MKLN1: variants seen among roughly 807,000 people sequenced by gnomAD.
MKLN1 encodes muskelin.
A neutral mutation model predicts 99.0 loss-of-function variants in MKLN1; 18 were observed. The ratio of observed to expected loss-of-function variants is 0.18; its 90% CI spans 0.13 to 0.27. The LOEUF is 0.27. MKLN1 is among the 10% of genes least tolerant of loss of function. MKLN1 has a pLI of 1.00. For missense variants in MKLN1, 621 were observed against 875.9 expected (o/e 0.71, Z 3.67); for synonymous variants, 288 against 293.2 (o/e 0.98, Z 0.18).
At chr7:131,386,014 CT>C (rs71174945) in intron 2 of MKLN1, among the ~76,000 whole-genome samples, 1,388 of 132,882 alleles carry the variant, frequency 0.01, 11 homozygotes, top group African/African-American at 0.025. Flanking sequence ...GGTCTTCAGT[CT>C]TTTTTTTTTT....
At chr7:131,173,288 G>A (rs1468473563) in intron 2 of MKLN1, among the ~76,000 whole-genome samples, 1 of 152,158 alleles carries the variant, frequency 6.6e-6, no homozygotes, top group Non-Finnish European at 1.5e-5. Context: ...ACTACAGATA[G>A]TTGAACCTTG....
intron 1 of MKLN1, among the ~76,000 whole-genome samples, chr7:131,370,464 CTT>C (rs74274320): frequency 2.8e-5 from 3 of 106,756 alleles, no homozygotes; most frequent in Admixed American, 9.0e-5. Flanking sequence ...TGTCACTATT[CTT>C]TTTTTTTTTT....
intron 2 of MKLN1, among the ~76,000 whole-genome samples, chr7:131,157,374 G>A (rs971852303): frequency 6.6e-6 from 1 of 152,164 alleles, no homozygotes; most frequent in African/African-American, 2.4e-5. Context: ...CTCCAGCCCG[G>A]CTGACAGAGA....
intron 8 of MKLN1, among the ~76,000 whole-genome samples, chr7:131,425,052 A>G (rs1795318921): frequency 6.6e-6 from 1 of 152,184 alleles, no homozygotes. Context: ...ACCATTTAAC[A>G]TGCATTATTT....
chr7:131,431,946 T>A (rs534770760), intron 9 of MKLN1, among the ~76,000 whole-genome samples: 1 of 152,318 alleles, frequency 6.6e-6, no homozygotes, highest in African/African-American at 2.4e-5. Flanking sequence ...AAATACCCAC[T>A]TATTCTTTAA....
intron 1 of MKLN1, among the ~76,000 whole-genome samples, chr7:131,347,673 C>T (rs6977574): frequency 0.016 from 2,443 of 152,004 alleles, 46 homozygotes; most frequent in African/African-American, 0.053. Context: ...ATAATTGGCT[C>T]GTTTACTTTT....
Position 131,443,605 on chromosome 7 carries a change from G to A in MKLN1, c.1298G>A (p.Cys433Tyr). Reference sequence around the variant, plus strand: ...TTCAGTGGCTTGTTTGCTTTCAACTGTCAATGTCAAACCTGGAAACTTCTT... The same window carrying A: ...TTCAGTGGCTTGTTTGCTTTCAACTATCAATGTCAAACCTGGAAACTTCTT... Reference protein sequence around the residue: ...PQFSGLFAFNCQCQTWKLLRE... With the variant: ...PQFSGLFAFNYQCQTWKLLRE... Residue 433 changes from cysteine (C) to tyrosine (Y), a missense_variant, in exon 11 of 18, where the codon TGT becomes TAT. Coordinates refer to ENST00000352689, the MANE Select transcript of MKLN1 (RefSeq NM_013255.5). 6.2e-7 allele frequency: 1 copy of A among 1,614,122 alleles called. No individual in the cohort carries two copies. Among genetic ancestry groups the A allele is most frequent in the African/African-American group, 1.3e-5 (1 of 75,056 alleles).
chr7:131,457,851 A>G (rs1189783930), intron 12 of MKLN1, among the ~76,000 whole-genome samples: 2 of 152,038 alleles, frequency 1.3e-5, no homozygotes, highest in African/African-American at 4.8e-5. Context: ...ACAGGCGGAG[A>G]TTGCAGTGAG....
Position 131,473,600 on chromosome 7 carries a change from A to G in MKLN1, c.2031+2656A>G, listed in dbSNP as rs142426747. Among the ~76,000 whole-genome samples the G allele has an allele frequency of 4.8e-3, 728 of 152,318 alleles. 3 individuals are homozygous for G. Among genetic ancestry groups the G allele is most frequent in the African/African-American group, 0.016 (683 of 41,574 alleles). ...TATACCACTTTCAGAGAAGACTTCT[A>G]TAATAGAGAAGGAATGAGAATAAGT... is the stretch of plus-strand genomic sequence containing the variant. On this transcript the variant is annotated intron_variant, in intron 16 of 17. Coordinates refer to ENST00000352689, the MANE Select transcript of MKLN1 (RefSeq NM_013255.5).
intron 1 of MKLN1, among the ~76,000 whole-genome samples, chr7:131,354,104 A>C (rs1253811407): frequency 6.6e-6 from 1 of 151,968 alleles, no homozygotes; most frequent in African/African-American, 2.4e-5. Context: ...TATTTTGGCT[A>C]TTCTAGGTCT....
At chr7:131,245,289 G>A (rs1396426806) in intron 3 of MKLN1, among the ~76,000 whole-genome samples, 4 of 123,946 alleles carry the variant, frequency 3.2e-5, no homozygotes, top group Non-Finnish European at 6.5e-5. Context: ...TTTTTTTTGA[G>A]ACAGAGTCTC....
chr7:131,371,765 CAT>C lies in MKLN1; in HGVS notation c.99-3643_99-3642del, dbSNP rs149627807. Among the ~76,000 whole-genome samples the C allele has an allele frequency of 4.1e-3, 609 of 147,592 alleles. 2 individuals are homozygous for C. The highest frequency in any genetic ancestry group is 0.013 in the African/African-American group (527 of 40,400). ...TTTACATTATACTTGACATATATAA[CAT>C]ATATATATATATATACACTTAATTT... On this transcript the variant is annotated intron_variant, in intron 1 of 17. Coordinates refer to ENST00000352689, the MANE Select transcript of MKLN1 (RefSeq NM_013255.5).
At chr7:131,373,215 TGTA>T (rs1383633299) in intron 1 of MKLN1, among the ~76,000 whole-genome samples, 1 of 152,094 alleles carries the variant, frequency 6.6e-6, no homozygotes, top group Non-Finnish European at 1.5e-5. Flanking sequence ...AATTGTAAAA[TGTA>T]GTTATTTTTG....
chr7:131,189,076 G>A lies in MKLN1; in HGVS notation c.-296-13781G>A, dbSNP rs550296674. On this transcript the variant is annotated intron_variant, in intron 2 of 7. Coordinates refer to the MKLN1 transcript ENST00000416992. ...TCAGACTCAGTTTTAATGGGTTAAAGGGATACGGAAAATCATTGTCACAGA... is the reference window on the plus strand; with the variant it reads ...TCAGACTCAGTTTTAATGGGTTAAAAGGATACGGAAAATCATTGTCACAGA... 1.6e-3 allele frequency among the ~76,000 whole-genome samples: 238 copies of A among 152,302 alleles called. 2 individuals carry two copies. Among genetic ancestry groups the A allele is most frequent in the African/African-American group, 5.5e-3 (229 of 41,562 alleles).
At chr7:131,447,351 T>C (rs1460948455) in intron 12 of MKLN1, among the ~76,000 whole-genome samples, 3 of 152,202 alleles carry the variant, frequency 2.0e-5, no homozygotes, top group Non-Finnish European at 4.4e-5. Context: ...TAGAGCTATA[T>C]GATTTAATAT....
rs187045541 is a variant in MKLN1 at position 131,172,610 on chromosome 7, G to A, written c.-297+29669G>A. Among the ~76,000 whole-genome samples, 80 of 152,114 alleles carry A rather than the reference G, an allele frequency of 5.3e-4. 2 individuals carry two copies. Among genetic ancestry groups the A allele is most frequent in the Admixed American group, 3.5e-3 (53 of 15,254 alleles). ...GATTACAGGCGTGAGCCACCGTGCC[G>A]GCCAAGAATTAATTTATTGATGAGC... is the stretch of plus-strand genomic sequence containing the variant. On this transcript the variant is annotated intron_variant, in intron 2 of 7. Coordinates refer to the MKLN1 transcript ENST00000416992.
chr7:131,240,790 TA>T (rs1233174561), intron 3 of MKLN1, among the ~76,000 whole-genome samples: 1 of 152,168 alleles, frequency 6.6e-6, no homozygotes, highest in African/African-American at 2.4e-5. Context: ...AAGTTGTCGT[TA>T]AAGAACTAGC....
At chr7:131,450,950 T>C (rs922130856) in intron 12 of MKLN1, among the ~76,000 whole-genome samples, 1 of 152,190 alleles carries the variant, frequency 6.6e-6, no homozygotes, top group African/African-American at 2.4e-5. Flanking sequence ...GAGCATTCAG[T>C]GGTTTCAGTA....
chr7:131,248,352 GAGATAGTT>G (rs1797527379), intron 3 of MKLN1, among the ~76,000 whole-genome samples: 1 of 152,174 alleles, frequency 6.6e-6, no homozygotes, highest in African/African-American at 2.4e-5. Context: ...CAGCCAGCTA[GAGATAGTT>G]ACCCCTCTAT....
Sources: gnomAD v4.1 joint callset for allele counts (sites outside exome capture counted in the v4.1 genomes callset) on GRCh38, gnomAD v4.1.1 for gene constraint, MANE v1.5 for transcripts, NCBI Gene and HGNC (gene_info 2026-07-23, HGNC 2026-07-21) for gene names.